CNTNAP5: variants seen among roughly 807,000 people sequenced by gnomAD.
The protein encoded by CNTNAP5 is contactin associated protein family member 5.
CNTNAP5 carries 72 observed loss-of-function variants against 150.2 expected under a neutral mutation model. That is an observed-to-expected ratio of 0.48 (90% confidence interval 0.40 to 0.58). The LOEUF (loss-of-function observed/expected upper bound fraction) is 0.58, where lower values mean the gene tolerates loss of function less well. CNTNAP5 is among the 20% of genes least tolerant of loss of function. The pLI is 0.00. For synonymous variants in CNTNAP5, 672 were observed against 619.8 expected (o/e 1.08, Z -1.25); for missense variants, 1,636 against 1,626.2 (o/e 1.01, Z -0.10).
intron 18 of CNTNAP5, among the ~76,000 whole-genome samples, chr2:124,796,265 A>G (rs922862): frequency 0.17 from 26,076 of 152,194 alleles, 2,404 homozygotes; most frequent in African/African-American, 0.2. Context: ...AATATCCTGT[A>G]TATGCCCATA....
chr2:124,269,606 A>G (rs908735751), intron 3 of CNTNAP5, among the ~76,000 whole-genome samples: 3 of 152,176 alleles, frequency 2.0e-5, no homozygotes, highest in South Asian at 2.1e-4. Context: ...ACGGAAAGTG[A>G]TAAGAGAGGA....
chr2:124,183,784 G>A (rs924157040), intron 1 of CNTNAP5, among the ~76,000 whole-genome samples: 1 of 152,184 alleles, frequency 6.6e-6, no homozygotes, highest in South Asian at 2.1e-4. Context: ...TGGGAGTAGA[G>A]AGAAGAAAGA....
intron 1 of CNTNAP5, among the ~76,000 whole-genome samples, chr2:124,178,212 A>G (rs1685116007): frequency 6.6e-6 from 1 of 152,152 alleles, no homozygotes; most frequent in Non-Finnish European, 1.5e-5. Flanking sequence ...GGGTTATTGC[A>G]CATACTAAGC....
intron 3 of CNTNAP5, among the ~76,000 whole-genome samples, chr2:124,281,083 GAACTCCTGT>G (rs1688001386): frequency 6.6e-6 from 1 of 152,028 alleles, no homozygotes; most frequent in African/African-American, 2.4e-5. Flanking sequence ...TGTATTTATT[GAACTCCTGT>G]AACACTCCAG....
intron 3 of CNTNAP5, among the ~76,000 whole-genome samples, chr2:124,296,773 C>T (rs1688441471): frequency 6.6e-6 from 1 of 152,168 alleles, no homozygotes; most frequent in Non-Finnish European, 1.5e-5. Flanking sequence ...CCCCCTCTCC[C>T]CATAAATGTA....
intron 1 of CNTNAP5, among the ~76,000 whole-genome samples, chr2:124,080,113 A>G (rs892779718): frequency 6.6e-6 from 1 of 152,200 alleles, no homozygotes; most frequent in African/African-American, 2.4e-5. Flanking sequence ...AGTATTTTCA[A>G]TTATTTGGAA....
Position 124,446,757 on chromosome 2 carries a change from C to G in CNTNAP5, c.738C>G (p.Asp246Glu). The change falls in exon 6 of 24, where the codon GAC (aspartate) becomes GAG (glutamate). Residue 246 changes from aspartate to glutamate, a missense_variant. Coordinates refer to ENST00000682447, the MANE Select transcript of CNTNAP5 (RefSeq NM_001367498.1). ...GRLALHLNLG[D>E]SKARLSSSLP... The stretch of plus-strand genomic sequence containing the variant: ...GCCTCTCTCCCCTCTTCACAGGTGA[C>G]AGCAAAGCGCGGCTCAGCAGCAGCT... 6.2e-7 allele frequency: 1 copy of G among 1,612,942 alleles called. No homozygotes were observed.
chr2:124,099,515 G>C (rs4848237), intron 1 of CNTNAP5, among the ~76,000 whole-genome samples: 20,631 of 152,206 alleles, frequency 0.14, 1,498 homozygotes, highest in South Asian at 0.23. Context: ...CAGACCCTGG[G>C]TATGGCACCT....
At chr2:124,664,325 GAAA>G (rs34108388) in intron 13 of CNTNAP5, among the ~76,000 whole-genome samples, 156 of 106,180 alleles carry the variant, frequency 1.5e-3, no homozygotes, top group African/African-American at 3.9e-3. Context: ...CCTGTCTCAA[GAAA>G]AAAAAAAAAA....
intron 1 of CNTNAP5, among the ~76,000 whole-genome samples, chr2:124,070,656 A>T (rs1015346519): frequency 5.9e-5 from 9 of 151,998 alleles, no homozygotes; most frequent in Non-Finnish European, 1.3e-4. Flanking sequence ...ATGATTGTAA[A>T]TATATATTCA....
chr2:124,061,466 G>C (rs902363803), intron 1 of CNTNAP5, among the ~76,000 whole-genome samples: 2 of 152,166 alleles, frequency 1.3e-5, no homozygotes, highest in Non-Finnish European at 2.9e-5. Flanking sequence ...GAAGGACATG[G>C]ACTTTGGAAA....
intron 3 of CNTNAP5, among the ~76,000 whole-genome samples, chr2:124,282,162 A>G (rs907715617): frequency 6.6e-6 from 1 of 152,184 alleles, no homozygotes. Flanking sequence ...TACTGATGGT[A>G]AAACAAAGGG....
At chr2:124,872,968 A>T (rs1677783270) in intron 21 of CNTNAP5, among the ~76,000 whole-genome samples, 1 of 152,146 alleles carries the variant, frequency 6.6e-6, no homozygotes, top group Non-Finnish European at 1.5e-5. Context: ...TCAGGTAGAA[A>T]AGAACTGTTA....
At chr2:124,655,778 G>C (rs990844787) in intron 13 of CNTNAP5, among the ~76,000 whole-genome samples, 5 of 151,656 alleles carry the variant, frequency 3.3e-5, no homozygotes, top group Non-Finnish European at 1.5e-5. Context: ...GGGCACACTT[G>C]TAGTCCTATC....
intron 13 of CNTNAP5, among the ~76,000 whole-genome samples, chr2:124,663,185 G>T (rs1274025986): frequency 6.6e-6 from 1 of 152,194 alleles, no homozygotes; most frequent in African/African-American, 2.4e-5. Context: ...AGTAAAACCT[G>T]TTACGGTTAA....
chr2:124,665,281 A>G (rs1263489768), intron 13 of CNTNAP5, among the ~76,000 whole-genome samples: 1 of 152,198 alleles, frequency 6.6e-6, no homozygotes, highest in African/African-American at 2.4e-5. Flanking sequence ...ACTATGAACT[A>G]TTTTTAAATT....
intron 13 of CNTNAP5, among the ~76,000 whole-genome samples, chr2:124,723,302 T>C (rs1011950718): frequency 6.6e-6 from 1 of 152,004 alleles, no homozygotes; most frequent in African/African-American, 2.4e-5. Context: ...ATTCAGCCTC[T>C]TTTTTTTACT....
chr2:124,335,751 T>C (rs1219215291), intron 3 of CNTNAP5, among the ~76,000 whole-genome samples: 1 of 151,882 alleles, frequency 6.6e-6, no homozygotes, highest in Non-Finnish European at 1.5e-5. Flanking sequence ...CTCTTACCTT[T>C]TTGCCAGCTT....
intron 13 of CNTNAP5, among the ~76,000 whole-genome samples, chr2:124,698,208 G>A (rs1429818511): frequency 6.6e-6 from 1 of 152,080 alleles, no homozygotes; most frequent in Non-Finnish European, 1.5e-5. Flanking sequence ...GGATCAGAGA[G>A]GCTGTTAGAT....
Sources: gnomAD v4.1 joint callset for allele counts (sites outside exome capture counted in the v4.1 genomes callset) on GRCh38, gnomAD v4.1.1 for gene constraint, MANE v1.5 for transcripts, NCBI Gene and HGNC (gene_info 2026-07-23, HGNC 2026-07-21) for gene names.